The following SEMA3C variants were observed in gnomAD, a reference collection of about 807,000 sequenced individuals.
SEMA3C encodes the protein semaphorin 3C, also known as semaphorin-3C.
Under a neutral mutation model 89.4 loss-of-function variants are expected in SEMA3C, and 47 were observed. The ratio of observed to expected loss-of-function variants is 0.53; its 90% CI spans 0.42 to 0.67. SEMA3C has a LOEUF of 0.67. SEMA3C is among the 30% of genes least tolerant of loss of function. SEMA3C has a pLI of 0.00. For missense variants in SEMA3C, 839 were observed against 929.1 expected (o/e 0.90, Z 1.26); for synonymous variants, 310 against 320.2 (o/e 0.97, Z 0.34).
intron 3 of SEMA3C, 127 bp downstream of exon 3, chr7:80,828,458 A>T: frequency 1.4e-6 from 1 of 718,876 alleles, no homozygotes; most frequent in South Asian, 2.7e-5. Flanking sequence ...ACTAACTTTC[A>T]TAGTAACATG....
intron 11 of SEMA3C, chr7:80,793,619 G>C (rs1788994170): frequency 2.8e-6 from 1 of 354,398 alleles, no homozygotes; most frequent in Non-Finnish European, 5.4e-6. Context: ...ATACTCAAGA[G>C]GCAATATTTT....
chr7:80,743,226 A>T lies in SEMA3C; in HGVS notation c.*1668T>A, dbSNP rs1247501141. The T allele has an allele frequency of 6.6e-6, 1 of 151,918 alleles. No homozygotes were observed. The highest frequency in any genetic ancestry group is 2.4e-5 in the African/African-American group (1 of 41,432). The allele number at this position is 151,918 out of a possible 1,614,324, so 9.4% of individuals were successfully genotyped here. ...ATTTGGAACAACAGATTTTTTAAAA[A>T]ATGAAGTTTGGTGTTATGTCAGCAT... On this transcript the variant is annotated 3_prime_UTR_variant, in exon 18 of 18. Transcript: ENST00000265361.
rs114449089 is a variant in SEMA3C, at chr7:80,861,545, T to G, written c.104-32800A>C. 9.2e-3 allele frequency among the ~76,000 whole-genome samples: 1,405 copies of G among 152,292 alleles called. 16 individuals are homozygous for G. Among genetic ancestry groups the G allele is most frequent in the African/African-American group, 0.032 (1,319 of 41,572 alleles). On this transcript the variant is annotated intron_variant, in intron 2 of 17. Transcript: ENST00000265361. ...AGTCAAACATATAACAAGGTAGATT[T>G]AAAACAAAACTGAGCACTGTTCACA...
chr7:80,766,473 T>C (rs1488454881), intron 12 of SEMA3C, among the ~76,000 whole-genome samples: 2 of 152,208 alleles, frequency 1.3e-5, no homozygotes, highest in Admixed American at 6.5e-5. Context: ...CTTTACTTCA[T>C]CTTCTTCCTT....
rs571706520 is a variant in SEMA3C, at chr7:80,894,558, C to A, written c.103+22121G>T. On this transcript the variant is annotated intron_variant, in intron 2 of 17. Coordinates refer to ENST00000265361, the MANE Select transcript of SEMA3C (RefSeq NM_006379.5). ...AACGGGATTTGAACCCAGTCTGATG[C>A]ATTAGCACTGGGGGTTTGAAGGCAG... is the stretch of plus-strand genomic sequence containing the variant. 3.3e-5 allele frequency among the ~76,000 whole-genome samples: 5 copies of A among 152,196 alleles called. No individual in the cohort carries two copies. In the East Asian group the frequency reaches 9.7e-4, roughly 29 times the overall value.
chr7:80,802,649 T>C lies in SEMA3C; in HGVS notation c.916+16A>G. The C allele has an allele frequency of 1.3e-6, 2 of 1,543,550 alleles. No individual in the cohort carries two copies. The highest frequency in any genetic ancestry group is 1.1e-5 in the South Asian group (1 of 87,392). On this transcript the variant is annotated intron_variant, in intron 9 of 17. Coordinates refer to ENST00000265361, the MANE Select transcript of SEMA3C (RefSeq NM_006379.5). ...GCCTTCTTTCAGAAGCATTTTTCAA[T>C]CTCATATGTATGTACCTAATTCATC...
chr7:80,749,018 A>C lies in SEMA3C; in HGVS notation c.1722T>G (p.Asn574Lys). ...CRGFNLKAYRNAAEIVQYGVK... is the reference protein window; with the variant it reads ...CRGFNLKAYRKAAEIVQYGVK... ...CTCCATACTGGACAATTTCAGCTGC[A>C]TTTCTGTATGCTAGCAGGCAAAAAT... The change falls in exon 17 of 18, where the codon AAT becomes AAG. Residue 574 changes from asparagine (N) to lysine (K), a missense_variant. Physicochemically the swap from Asn to Lys is moderately conservative, Grantham distance 94. Coordinates refer to ENST00000265361, the MANE Select transcript of SEMA3C (RefSeq NM_006379.5). 6.2e-7 allele frequency: 1 copy of C among 1,604,328 alleles called. No individual in the cohort carries two copies. The highest frequency in any genetic ancestry group is 1.1e-5 in the South Asian group (1 of 88,908).
intron 2 of SEMA3C, among the ~76,000 whole-genome samples, chr7:80,835,219 CATTT>C (rs1790098277): frequency 6.6e-6 from 1 of 152,140 alleles, no homozygotes; most frequent in East Asian, 1.9e-4. Context: ...GTTCAATATA[CATTT>C]ATTGAGCCCT....
chr7:80,748,780 G>T, intron 17 of SEMA3C, 118 bp downstream of exon 17: 1 of 995,424 alleles, frequency 1.0e-6, no homozygotes, highest in Non-Finnish European at 1.5e-6. Flanking sequence ...TCATCCCAAA[G>T]ACGTAAAAGA....
chr7:80,889,108 C>T (rs1044297639), intron 2 of SEMA3C, among the ~76,000 whole-genome samples: 2 of 152,198 alleles, frequency 1.3e-5, no homozygotes, highest in South Asian at 4.1e-4. Flanking sequence ...GGTGATCCAC[C>T]CACTTCAGCC....
intron 2 of SEMA3C, among the ~76,000 whole-genome samples, chr7:80,895,786 C>T (rs925270352): frequency 2.0e-5 from 3 of 152,014 alleles, no homozygotes; most frequent in Admixed American, 6.6e-5. Flanking sequence ...TAAAATATCT[C>T]TGGGATCTGT....
chr7:80,911,863 G>A (rs1792159120), intron 2 of SEMA3C, among the ~76,000 whole-genome samples: 1 of 152,030 alleles, frequency 6.6e-6, no homozygotes, highest in South Asian at 2.1e-4. Context: ...TTGATCTCCT[G>A]ACCTCGTGAT....
intron 4 of SEMA3C, 72 bp downstream of exon 4, chr7:80,827,353 C>T: frequency 7.1e-7 from 1 of 1,406,994 alleles, no homozygotes; most frequent in Non-Finnish European, 9.3e-7. Flanking sequence ...TGGCTTCCCT[C>T]AAAGTACATG....
At chr7:80,881,074 A>G (rs935138423) in intron 2 of SEMA3C, among the ~76,000 whole-genome samples, 5 of 151,962 alleles carry the variant, frequency 3.3e-5, no homozygotes, top group Non-Finnish European at 7.4e-5. Context: ...AAGTTAATTT[A>G]ATTGCAAGGA....
chr7:80,919,292 C>G (rs1055021316), upstream of SEMA3C: 22 of 984,062 alleles, frequency 2.2e-5, no homozygotes, highest in African/African-American at 3.6e-4. Flanking sequence ...TGGCCAGACG[C>G]AAGAATGCGC....
intron 11 of SEMA3C, 125 bp downstream of exon 11, chr7:80,797,967 C>T (rs1179630952): frequency 9.9e-6 from 9 of 904,604 alleles, no homozygotes; most frequent in African/African-American, 8.9e-5. Flanking sequence ...CACTACATTC[C>T]ACCCTGGGCA....
chr7:80,794,197 A>G (rs1789009030), intron 11 of SEMA3C, among the ~76,000 whole-genome samples: 1 of 151,880 alleles, frequency 6.6e-6, no homozygotes, highest in African/African-American at 2.4e-5. Flanking sequence ...TGTACCCTTC[A>G]TCTGAAAACC....
rs79064230 is a variant in SEMA3C at position 80,745,454 on chromosome 7, T to C, written c.1843-147A>G. ...AGCATCCTTCTCAGTGGACATGAAA[T>C]TTTGGTCAGTTCCATTGCCTTTTTT... On this transcript the variant is annotated intron_variant, in intron 17 of 17. Coordinates refer to ENST00000265361, the MANE Select transcript of SEMA3C (RefSeq NM_006379.5). 1.6e-3 allele frequency: 1,203 copies of C among 743,728 alleles called. 11 individuals are homozygous for C. In the African/African-American group the frequency reaches 0.019, roughly 12 times the overall value. 46.1% of individuals were successfully genotyped at this position (743,728 alleles called of 1,614,324 possible).
chr7:80,774,231 A>T (rs941700242), intron 12 of SEMA3C, among the ~76,000 whole-genome samples: 7 of 152,142 alleles, frequency 4.6e-5, no homozygotes, highest in African/African-American at 1.2e-4. Flanking sequence ...ATAAGAATGA[A>T]CACCATTCAG....
Sources: gnomAD v4.1 joint callset for allele counts (sites outside exome capture counted in the v4.1 genomes callset) on GRCh38, gnomAD v4.1.1 for gene constraint, MANE v1.5 for transcripts, NCBI Gene and HGNC (gene_info 2026-07-23, HGNC 2026-07-21) for gene names.